The following FCN3 variants were observed in gnomAD, a reference collection of about 807,000 sequenced individuals.
FCN3 encodes ficolin 3, also known as ficolin-3.
A neutral mutation model predicts 31.5 loss-of-function variants in FCN3; 28 were observed. The observed-to-expected ratio is 0.89, with a 90% CI of 0.66 to 1.22. The LOEUF is 1.22. FCN3 is among the 50% of genes most tolerant of loss of function. The probability of loss-of-function intolerance (pLI) is 0.00; values close to 1 mark genes in which losing one functional copy is unlikely to be tolerated. For missense variants in FCN3, 351 were observed against 386.8 expected (o/e 0.91, Z 0.78); for synonymous variants, 124 against 147.4 (o/e 0.84, Z 1.15).
Position 27,374,364 on chromosome 1 carries a change from C to T in FCN3, c.179G>A (p.Gly60Asp). ...PGSPGEKGAPGPQGPPGPPGK... is the reference protein window; with the variant it reads ...PGSPGEKGAPDPQGPPGPPGK... ...TCCCCAGCCCCTCTCACCTTGAGGA[C>T]CTGGGGCTCCCTTCTCCCCAGGACT... Residue 60 changes from glycine to aspartate, a missense_variant, in exon 2 of 8, where the codon GGT (glycine) becomes GAT (aspartate). Transcript: ENST00000270879. The T allele has an allele frequency of 6.2e-7, 1 of 1,611,038 alleles. No homozygotes were observed. The highest frequency in any genetic ancestry group is 1.1e-5 in the South Asian group (1 of 91,030).
At chr1:27,372,007 C>T (rs1295093125) in intron 5 of FCN3, among the ~76,000 whole-genome samples, 1 of 151,986 alleles carries the variant, frequency 6.6e-6, no homozygotes, top group Admixed American at 6.6e-5. Context: ...GCAATCCACC[C>T]ACCTCGGCCT....
intron 7 of FCN3, 71 bp from the exon 8 acceptor site, chr1:27,369,548 A>G: frequency 6.9e-7 from 1 of 1,442,272 alleles, no homozygotes; most frequent in Non-Finnish European, 9.7e-7. Flanking sequence ...ATATAATGCC[A>G]TGGGAGTCTC....
Position 27,370,914 on chromosome 1 carries a change from CT to C in FCN3, c.451del (p.Arg151GlufsTer31). 6.2e-7 allele frequency: 1 copy of C among 1,613,836 alleles called. No homozygotes were observed. Among genetic ancestry groups the C allele is most frequent in the South Asian group, 1.1e-5 (1 of 91,076 alleles). On this transcript the variant is annotated frameshift_variant, in exon 6 of 8. Coordinates refer to ENST00000270879, the MANE Select transcript of FCN3 (RefSeq NM_003665.4). LOFTEE classifies it high-confidence loss of function. ...AGACTCTTGGTTCCCAAAACCTGCTCTGTAGGAGGACCAAGAGCGGAAGAAA... is the reference window on the plus strand; with the variant it reads ...AGACTCTTGGTTCCCAAAACCTGCTCGTAGGAGGACCAAGAGCGGAAGAAA... ...VDFFRSWSSY[R>X]AGFGNQESEF...
chr1:27,371,679 C>G (rs779519480), intron 5 of FCN3, among the ~76,000 whole-genome samples: 2 of 152,246 alleles, frequency 1.3e-5, no homozygotes, highest in East Asian at 3.8e-4. Context: ...TTCCACCTCC[C>G]CCTCCAAGCC....
At chr1:27,374,505 C>A (rs2016211780) in intron 1 of FCN3, 54 bp from the exon 2 acceptor site, 1 of 1,201,618 alleles carries the variant, frequency 8.3e-7, no homozygotes, top group African/African-American at 1.5e-5. Context: ...CTTCCAGACC[C>A]CTCTTCAGTT....
chr1:27,373,115 G>T, intron 5 of FCN3, 21 bp downstream of exon 5: 1 of 1,612,450 alleles, frequency 6.2e-7, no homozygotes, highest in Non-Finnish European at 8.5e-7. Context: ...TGGCCTGTTA[G>T]CCCATTTCTC....
Position 27,369,413 on chromosome 1 carries a change from G to T in FCN3, c.723C>A (p.Ser241Arg). 1 of 1,614,206 alleles carries T rather than the reference G, an allele frequency of 6.2e-7. No homozygotes were observed. Among genetic ancestry groups the T allele is most frequent in the Non-Finnish European group, 8.5e-7 (1 of 1,179,980 alleles). The part of the protein sequence containing the change: ...FTTYDADHDS[S>R]NSNCAVIVHG... ...GGACAATCACTGCACAGTTGCTGTT[G>T]CTTGAATCGTGGTCAGCGTCATAGG... The change falls in exon 8 of 8, where the codon AGC becomes AGA. Residue 241 changes from serine to arginine, a missense_variant. By Grantham distance (110) the Ser-to-Arg change is moderately radical. Transcript: ENST00000270879.
intron 5 of FCN3, among the ~76,000 whole-genome samples, chr1:27,371,546 A>T (rs2016146199): frequency 6.6e-6 from 1 of 151,872 alleles, no homozygotes; most frequent in South Asian, 2.1e-4. Context: ...ACTGCACTCC[A>T]GCCTGGGCAG....
At chr1:27,371,676 TC>T (rs1473259899) in intron 5 of FCN3, among the ~76,000 whole-genome samples, 1 of 152,052 alleles carries the variant, frequency 6.6e-6, no homozygotes, top group Non-Finnish European at 1.5e-5. Context: ...GTCTTCCACC[TC>T]CCCCTCCAAG....
chr1:27,373,016 C>T (rs1181500305), intron 5 of FCN3, 120 bp downstream of exon 5: 6 of 1,257,028 alleles, frequency 4.8e-6, no homozygotes, highest in Non-Finnish European at 6.7e-6. Flanking sequence ...GCTCACTAAA[C>T]ATTTGTCAGT....
chr1:27,374,117 C>T, intron 2 of FCN3, 108 bp from the exon 3 acceptor site: 1 of 1,044,724 alleles, frequency 9.6e-7, no homozygotes, highest in Non-Finnish European at 1.4e-6. Context: ...ACCCTTCACT[C>T]ACTTTGTGAT....
rs2016189016 is a variant in FCN3 at position 27,373,472 on chromosome 1, G to C, written c.265+16C>G. ...ATGTGATCCCAAGTTCCTGGCTCCT[G>C]CAAGGGCTGCCTCACCTTCCTGGCA... is the stretch of plus-strand genomic sequence containing the variant. On this transcript the variant is annotated intron_variant, in intron 4 of 7. Transcript: ENST00000270879. 1 of 1,613,828 alleles carries C rather than the reference G, an allele frequency of 6.2e-7. No homozygotes were observed. The highest frequency in any genetic ancestry group is 8.5e-7 in the Non-Finnish European group (1 of 1,179,890).
At chr1:27,374,306 C>T (rs1364021645) in intron 2 of FCN3, 50 bp downstream of exon 2, 2 of 1,375,758 alleles carry the variant, frequency 1.5e-6, no homozygotes, top group Admixed American at 1.7e-5. Flanking sequence ...TTGCTACTTT[C>T]CTGCCTTCCC....
chr1:27,372,347 A>G (rs1226202636), intron 5 of FCN3, among the ~76,000 whole-genome samples: 2 of 151,688 alleles, frequency 1.3e-5, no homozygotes, highest in African/African-American at 2.4e-5. Context: ...TCCGGGGTTC[A>G]AGCAATTCTC....
rs1286204897 is a variant in FCN3 at position 27,369,188 on chromosome 1, A to G, written c.*48T>C. On this transcript the variant is annotated 3_prime_UTR_variant, in exon 8 of 8. Coordinates refer to ENST00000270879, the MANE Select transcript of FCN3 (RefSeq NM_003665.4). ...GTTGGCAAAGGCAAGGTGGCTGACG[A>G]TCCGGAAGCTGTACAGGAGAGATAA... 1 of 1,598,110 alleles carries G rather than the reference A, an allele frequency of 6.3e-7. No individual in the cohort carries two copies. Among genetic ancestry groups the G allele is most frequent in the Non-Finnish European group, 8.6e-7 (1 of 1,167,168 alleles).
Position 27,373,261 on chromosome 1 carries a change from G to T in FCN3, c.268C>A (p.Pro90Thr). The change falls in exon 5 of 8, where the codon CCC (proline) becomes ACC (threonine). Residue 90 changes from proline (P) to threonine (T), a missense_variant and splice_region_variant. Coordinates refer to ENST00000270879, the MANE Select transcript of FCN3 (RefSeq NM_003665.4). ...CTCAACAGCTCCCGGCAGTTTCTGG[G>T]GCCTGGGAAAGGGGAGATGGACTGG... ...PVNLLRCQEG[P>T]RNCRELLSQG... 6.2e-7 allele frequency: 1 copy of T among 1,614,072 alleles called. No homozygotes were observed. The highest frequency in any genetic ancestry group is 1.3e-5 in the African/African-American group (1 of 75,050).
chr1:27,373,812 C>A, intron 3 of FCN3, 153 bp downstream of exon 3: 1 of 744,788 alleles, frequency 1.3e-6, no homozygotes, highest in South Asian at 1.7e-5. Flanking sequence ...CATAGGGTAG[C>A]CAGGCCCTTC....
chr1:27,372,894 C>T (rs932627773), intron 5 of FCN3, among the ~76,000 whole-genome samples: 1 of 149,758 alleles, frequency 6.7e-6, no homozygotes, highest in Non-Finnish European at 1.5e-5. Flanking sequence ...TCTCTTGCCT[C>T]AGCCTCCCAA....
At chr1:27,370,998 A>G (rs985912221) in intron 5 of FCN3, 26 bp from the exon 6 acceptor site, 8 of 1,608,424 alleles carry the variant, frequency 5.0e-6, no homozygotes, top group Non-Finnish European at 5.9e-6. Flanking sequence ...CACAGCAGCT[A>G]TTACTCCAGG....
Sources: allele counts gnomAD v4.1 joint callset (sites outside exome capture counted in the v4.1 genomes callset), GRCh38; gene constraint gnomAD v4.1.1; transcripts MANE v1.5; gene names NCBI Gene and HGNC (gene_info 2026-07-23, HGNC 2026-07-21).